Variants in KCNH7 observed in about 807,000 individuals in gnomAD.
KCNH7 encodes potassium voltage-gated channel subfamily H member 7, also known as voltage-gated inwardly rectifying potassium channel KCNH7.
Under a neutral mutation model 120.8 loss-of-function variants are expected in KCNH7, and 49 were observed. That is an observed-to-expected ratio of 0.41 (90% CI 0.32 to 0.51). The LOEUF is 0.51. KCNH7 is among the 20% of genes least tolerant of loss of function. The pLI, the probability that KCNH7 is intolerant of heterozygous loss-of-function variation, is 0.38. For synonymous variants in KCNH7, 547 were observed against 516.1 expected (o/e 1.06, Z -0.81); for missense variants, 1,097 against 1,446.6 (o/e 0.76, Z 3.92).
At chr2:162,610,715 A>G (rs1338010065) in intron 2 of KCNH7, among the ~76,000 whole-genome samples, 1 of 152,174 alleles carries the variant, frequency 6.6e-6, no homozygotes, top group African/African-American at 2.4e-5. Context: ...TGAAATTATA[A>G]CTGGGTTAAT....
At chr2:162,638,850 C>T (rs983888216) in intron 2 of KCNH7, among the ~76,000 whole-genome samples, 9 of 152,090 alleles carry the variant, frequency 5.9e-5, no homozygotes, top group Admixed American at 2.0e-4. Flanking sequence ...AAGCATTAAA[C>T]GGGAAATGGA....
chr2:162,621,252 C>CTTTTTTTTTTTTTTTTTTTTT lies in KCNH7; in HGVS notation c.308-84193_308-84173dup, dbSNP rs35494887. ...TGCTTCACAATCTGGGTATCATCATCTTTTTTTTTTTTTTTTTTTTTTTTT... is the reference window on the plus strand; with the variant it reads ...TGCTTCACAATCTGGGTATCATCATCTTTTTTTTTTTTTTTTTTTTTTTTTTTTTTTTTTTTTTTTTTTTTT... On this transcript the variant is annotated intron_variant, in intron 2 of 15. Coordinates refer to ENST00000332142, the MANE Select transcript of KCNH7 (RefSeq NM_033272.4). 3.8e-5 allele frequency among the ~76,000 whole-genome samples: 2 copies of CTTTTTTTTTTTTTTTTTTTTT among 52,114 alleles called. 1 individual carries two copies. Among genetic ancestry groups the CTTTTTTTTTTTTTTTTTTTTT allele is most frequent in the African/African-American group, 1.6e-4 (2 of 12,362 alleles). The allele number at this position is 52,114 out of a possible 152,430, so 34.2% of individuals were successfully genotyped here. A position where few individuals can be genotyped will look rare whatever the true frequency, so the allele number is the denominator to read the frequency against.
intron 2 of KCNH7, among the ~76,000 whole-genome samples, chr2:162,691,722 T>G (rs1686110021): frequency 6.6e-6 from 1 of 152,142 alleles, no homozygotes; most frequent in South Asian, 2.1e-4. Context: ...TGTTCCTTGA[T>G]TCTACATTTC....
intron 9 of KCNH7, among the ~76,000 whole-genome samples, chr2:162,415,294 T>C (rs1687506751): frequency 6.6e-6 from 1 of 152,270 alleles, no homozygotes; most frequent in Non-Finnish European, 1.5e-5. Flanking sequence ...TAAATTTTGC[T>C]TCAGTTTCTT....
rs35169559 is a variant in KCNH7 at position 162,792,708 on chromosome 2, A to ATT, written c.307+43827_307+43828dup. Among the ~76,000 whole-genome samples the ATT allele has an allele frequency of 8.8e-3, 1,031 of 117,070 alleles. 21 individuals are homozygous for ATT. Among genetic ancestry groups the ATT allele is most frequent in the African/African-American group, 0.019 (522 of 27,072 alleles). 76.8% of individuals were successfully genotyped at this position (117,070 alleles called of 152,430 possible). ...TCTTTATTAGTCTAACAAGCAGCTT[A>ATT]TTTTTTTTTTTTTCAAAAAAAACCC... On this transcript the variant is annotated intron_variant, in intron 2 of 15. Transcript: ENST00000332142.
intron 2 of KCNH7, among the ~76,000 whole-genome samples, chr2:162,735,483 A>G (rs1003071731): frequency 1.3e-5 from 2 of 152,134 alleles, no homozygotes; most frequent in African/African-American, 2.4e-5. Context: ...AACTTCCCCA[A>G]CTACTCCTAT....
chr2:162,812,124 T>C (rs934445185), intron 2 of KCNH7, among the ~76,000 whole-genome samples: 1 of 152,108 alleles, frequency 6.6e-6, no homozygotes, highest in East Asian at 1.9e-4. Context: ...TATCTAGTCA[T>C]GTTTTCAAAA....
intron 2 of KCNH7, among the ~76,000 whole-genome samples, chr2:162,592,535 A>G (rs1417043822): frequency 2.0e-5 from 3 of 152,062 alleles, no homozygotes; most frequent in Non-Finnish European, 4.4e-5. Context: ...ATAGAAATTT[A>G]GCAGCATGAA....
At chr2:162,393,744 C>A (rs1365074278) in intron 12 of KCNH7, among the ~76,000 whole-genome samples, 19 of 151,876 alleles carry the variant, frequency 1.3e-4, no homozygotes, top group Admixed American at 1.2e-3. Flanking sequence ...AATGTACACT[C>A]ACTTGGGCTC....
intron 6 of KCNH7, among the ~76,000 whole-genome samples, chr2:162,461,489 G>C (rs1573986436): frequency 6.6e-6 from 1 of 152,140 alleles, no homozygotes; most frequent in Non-Finnish European, 1.5e-5. Context: ...TATTTAACCA[G>C]AATAGCTCAA....
chr2:162,700,953 T>C (rs987531993), intron 2 of KCNH7, among the ~76,000 whole-genome samples: 6 of 152,190 alleles, frequency 3.9e-5, no homozygotes, highest in South Asian at 2.1e-4. Flanking sequence ...TCTTTAGAGA[T>C]GGAATTATTC....
chr2:162,749,138 GCCTCC>G (rs892342866), intron 2 of KCNH7, among the ~76,000 whole-genome samples: 1 of 105,900 alleles, frequency 9.4e-6, no homozygotes, highest in Non-Finnish European at 2.0e-5. Flanking sequence ...CCCTTCCTTT[GCCTCC>G]CCTCCCCTCC....
chr2:162,763,571 T>A (rs568519949), intron 2 of KCNH7, among the ~76,000 whole-genome samples: 3 of 151,992 alleles, frequency 2.0e-5, no homozygotes, highest in African/African-American at 7.2e-5. Context: ...GATGCATCCA[T>A]AGAGAGTAAA....
chr2:162,733,639 A>AT (rs923177861), intron 2 of KCNH7, among the ~76,000 whole-genome samples: 1 of 152,180 alleles, frequency 6.6e-6, no homozygotes, highest in African/African-American at 2.4e-5. Context: ...CTTTGGTATC[A>AT]TTTTCCATCA....
chr2:162,792,245 C>G (rs1251876868), intron 2 of KCNH7, among the ~76,000 whole-genome samples: 1 of 151,796 alleles, frequency 6.6e-6, no homozygotes, highest in African/African-American at 2.4e-5. Flanking sequence ...CTGAAGTTTT[C>G]TTTTTTGTTG....
At chr2:162,725,047 G>A (rs867138936) in intron 2 of KCNH7, among the ~76,000 whole-genome samples, 26 of 152,154 alleles carry the variant, frequency 1.7e-4, no homozygotes, top group Admixed American at 6.5e-4. Context: ...AAGAAAGTTC[G>A]TAAGTCAAAT....
intron 2 of KCNH7, chr2:162,797,552 AAAT>A (rs1684188405): frequency 6.6e-6 from 1 of 152,116 alleles, no homozygotes; most frequent in Non-Finnish European, 1.5e-5. Flanking sequence ...TTAAATTTTA[AAAT>A]TCTAAGAATG....
chr2:162,447,406 G>A (rs1413091101), intron 6 of KCNH7, among the ~76,000 whole-genome samples: 1 of 152,012 alleles, frequency 6.6e-6, no homozygotes, highest in Admixed American at 6.6e-5. Flanking sequence ...GTAATTTATT[G>A]GGTAAAATGT....
intron 2 of KCNH7, among the ~76,000 whole-genome samples, chr2:162,559,054 CAAAAAAAAAAAAA>C (rs780823559): frequency 1.3e-3 from 47 of 37,158 alleles, no homozygotes; most frequent in Admixed American, 6.9e-3. Context: ...GACTCTGCCT[CAAAAAAAAAAAAA>C]AAAAAAAAAG....
Sources: gnomAD v4.1 joint callset for allele counts (sites outside exome capture counted in the v4.1 genomes callset) on GRCh38, gnomAD v4.1.1 for gene constraint, MANE v1.5 for transcripts, NCBI Gene and HGNC (gene_info 2026-07-23, HGNC 2026-07-21) for gene names.